The following GALNT17 variants were observed in gnomAD, a reference collection of about 807,000 sequenced individuals.
GALNT17 encodes polypeptide N-acetylgalactosaminyltransferase 17, also known as UDP-GalNAc:polypeptide N-acetylgalactosaminyltransferase-like 3.
GALNT17 carries 29 observed loss-of-function variants against 63.7 expected under a neutral mutation model. The ratio of observed to expected loss-of-function variants is 0.46; its 90% CI spans 0.34 to 0.62. The LOEUF is 0.62. Among genes scored for constraint, GALNT17 ranks in the 20% least tolerant of loss-of-function variants. The pLI is 0.01. For missense variants in GALNT17, 603 were observed against 799.6 expected (o/e 0.75, Z 2.97); for synonymous variants, 305 against 318.3 (o/e 0.96, Z 0.45).
chr7:71,624,502 G>A (rs10255832), intron 6 of GALNT17, among the ~76,000 whole-genome samples: 12,798 of 151,740 alleles, frequency 0.084, 699 homozygotes, highest in African/African-American at 0.15. Flanking sequence ...AAAAAATGAC[G>A]TAAAAGAGAA....
intron 5 of GALNT17, among the ~76,000 whole-genome samples, chr7:71,427,075 C>T (rs1000946105): frequency 6.6e-6 from 1 of 150,586 alleles, no homozygotes; most frequent in South Asian, 2.1e-4. Context: ...TATAGCTTTT[C>T]ATTTACTCTT....
chr7:71,211,154 CA>C (rs1789368807), intron 1 of GALNT17, among the ~76,000 whole-genome samples: 1 of 152,118 alleles, frequency 6.6e-6, no homozygotes, highest in Non-Finnish European at 1.5e-5. Context: ...TGTCCCCATC[CA>C]AATCTCAACT....
chr7:71,391,395 G>A (rs1793048299), intron 3 of GALNT17, among the ~76,000 whole-genome samples: 3 of 152,216 alleles, frequency 2.0e-5, no homozygotes, highest in African/African-American at 4.8e-5. Flanking sequence ...TACAGGGTTA[G>A]ACACTTAGTG....
chr7:71,490,782 C>T (rs1787992979), intron 5 of GALNT17, among the ~76,000 whole-genome samples: 2 of 152,082 alleles, frequency 1.3e-5, no homozygotes, highest in African/African-American at 4.8e-5. Context: ...TGCCTGTACT[C>T]CCAGTACTTT....
intron 1 of GALNT17, among the ~76,000 whole-genome samples, chr7:71,216,067 A>AAT (rs1789472607): frequency 9.9e-6 from 1 of 100,830 alleles, no homozygotes; most frequent in African/African-American, 3.1e-5. Context: ...ATAATAATAA[A>AAT]AAAGCCAAGC....
chr7:71,259,746 A>C (rs1245747662), intron 1 of GALNT17, among the ~76,000 whole-genome samples: 1 of 148,316 alleles, frequency 6.7e-6, no homozygotes, highest in East Asian at 2.0e-4. Context: ...GGTTCATGCC[A>C]TTCTCCTTCC....
At chr7:71,276,840 A>G (rs1318388039) in intron 1 of GALNT17, among the ~76,000 whole-genome samples, 1 of 152,122 alleles carries the variant, frequency 6.6e-6, no homozygotes, top group Non-Finnish European at 1.5e-5. Flanking sequence ...TCTACTAAAA[A>G]TATAAAAATT....
chr7:71,324,824 A>C (rs975313711), intron 1 of GALNT17, among the ~76,000 whole-genome samples: 1 of 152,134 alleles, frequency 6.6e-6, no homozygotes, highest in Admixed American at 6.6e-5. Context: ...ATTTAGCATA[A>C]ATTTTGTGTA....
At chr7:71,601,397 G>C (rs868314222) in intron 6 of GALNT17, among the ~76,000 whole-genome samples, 14 of 152,164 alleles carry the variant, frequency 9.2e-5, no homozygotes, top group Middle Eastern at 6.8e-3. Context: ...ACATTCCTTG[G>C]GGAGTGATTT....
chr7:71,580,399 T>TGATA (rs59745749), intron 6 of GALNT17, among the ~76,000 whole-genome samples: 15,596 of 147,392 alleles, frequency 0.11, 848 homozygotes, highest in African/African-American at 0.14. Flanking sequence ...GATAGATGGA[T>TGATA]GATAGATAGA....
At chr7:71,519,733 G>A (rs962841788) in intron 5 of GALNT17, among the ~76,000 whole-genome samples, 3 of 152,076 alleles carry the variant, frequency 2.0e-5, no homozygotes, top group Admixed American at 6.5e-5. Flanking sequence ...CAAAGTGCTG[G>A]GATTACAGGT....
intron 1 of GALNT17, among the ~76,000 whole-genome samples, chr7:71,153,423 C>T (rs1788169421): frequency 6.6e-6 from 1 of 152,158 alleles, no homozygotes; most frequent in South Asian, 2.1e-4. Context: ...AGTTTTCTGC[C>T]CTGTAAAATC....
At chr7:71,208,022 C>T (rs957351354) in intron 1 of GALNT17, among the ~76,000 whole-genome samples, 1 of 151,516 alleles carries the variant, frequency 6.6e-6, no homozygotes, top group African/African-American at 2.4e-5. Context: ...GCAACCTCGA[C>T]CCCCCTGGGC....
At chr7:71,610,435 A>T (rs1400496858) in intron 6 of GALNT17, among the ~76,000 whole-genome samples, 2 of 152,166 alleles carry the variant, frequency 1.3e-5, no homozygotes, top group Admixed American at 1.3e-4. Flanking sequence ...AGCTAGGATC[A>T]TACTACTGCA....
At chr7:71,420,812 C>A (rs1309420879) in intron 4 of GALNT17, 96 bp from the exon 5 acceptor site, 8 of 1,457,266 alleles carry the variant, frequency 5.5e-6, no homozygotes, top group Non-Finnish European at 5.7e-6. Flanking sequence ...CAAAGCCCAG[C>A]CTTAAGTAGC....
chr7:71,353,415 G>C (rs1198639005), intron 2 of GALNT17, among the ~76,000 whole-genome samples: 1 of 152,016 alleles, frequency 6.6e-6, no homozygotes, highest in African/African-American at 2.4e-5. Flanking sequence ...CATTTCACCA[G>C]TTGTCTCAAT....
chr7:71,268,829 T>C (rs1261599112), intron 1 of GALNT17, among the ~76,000 whole-genome samples: 1 of 152,026 alleles, frequency 6.6e-6, no homozygotes, highest in African/African-American at 2.4e-5. Context: ...CTTGGGGAAT[T>C]CTGAGGGCAG....
intron 6 of GALNT17, among the ~76,000 whole-genome samples, chr7:71,626,873 T>C (rs1468128525): frequency 6.6e-6 from 1 of 152,204 alleles, no homozygotes; most frequent in African/African-American, 2.4e-5. Context: ...GTAGTGTTTA[T>C]CAGATTTGCT....
At chr7:71,633,120 A>G (rs2116992751) in intron 6 of GALNT17, among the ~76,000 whole-genome samples, 1 of 151,646 alleles carries the variant, frequency 6.6e-6, no homozygotes, top group East Asian at 1.9e-4. Context: ...AAAAAAAAAA[A>G]AAAAAGAAGG....
Sources: gnomAD v4.1 joint callset for allele counts (sites outside exome capture counted in the v4.1 genomes callset) on GRCh38, gnomAD v4.1.1 for gene constraint, MANE v1.5 for transcripts, NCBI Gene and HGNC (gene_info 2026-07-23, HGNC 2026-07-21) for gene names.